FRYL: variants seen among roughly 807,000 people sequenced by gnomAD.
The protein encoded by FRYL is FRY like transcription coactivator.
A neutral mutation model predicts 351.2 loss-of-function variants in FRYL; 150 were observed. The ratio of observed to expected loss-of-function variants is 0.43; its 90% CI spans 0.37 to 0.49. The LOEUF (loss-of-function observed/expected upper bound fraction) is 0.49, where lower values mean the gene tolerates loss of function less well. Ranked by LOEUF, FRYL falls within the 20% of genes least tolerant of loss-of-function variation. The pLI, the probability that FRYL is intolerant of heterozygous loss-of-function variation, is 0.00. For synonymous variants in FRYL, 1,153 were observed against 1,257.1 expected (o/e 0.92, Z 1.75); for missense variants, 3,036 against 3,619.3 (o/e 0.84, Z 4.13).
chr4:48,749,483 G>A (rs1773032755), intron 1 of FRYL, among the ~76,000 whole-genome samples: 1 of 152,158 alleles, frequency 6.6e-6, no homozygotes, highest in Non-Finnish European at 1.5e-5. Flanking sequence ...ATAGCTTAGG[G>A]CTTCTCTTAG....
At chr4:48,732,082 A>T (rs1409203396) in intron 1 of FRYL, among the ~76,000 whole-genome samples, 3 of 152,230 alleles carry the variant, frequency 2.0e-5, no homozygotes, top group African/African-American at 7.2e-5. Context: ...TTTACAAGAA[A>T]AAAGCAAACA....
At chr4:48,741,511 G>A (rs1221360878) in intron 1 of FRYL, among the ~76,000 whole-genome samples, 1 of 152,054 alleles carries the variant, frequency 6.6e-6, no homozygotes, top group Non-Finnish European at 1.5e-5. Context: ...CTGCACTCCA[G>A]CCTGGGCAGC....
rs1252509325 is a variant in FRYL at position 48,543,831 on chromosome 4, T to C, written c.5568A>G (p.Val1856=). ...CCTGTGCATCTTCTCCTGGATCCCC[T>C]ACAGTTTCTACAAGTCTGGAGAGAA... The part of the protein sequence containing the change: ...SDVLSRLVET[V]GDPGEDAQGF... Residue 1856 remains valine, a synonymous_variant, in exon 44 of 64, where the codon GTA becomes GTG. Transcript: ENST00000358350. The C allele has an allele frequency of 6.2e-7, 1 of 1,613,622 alleles. No individual in the cohort carries two copies. Among genetic ancestry groups the C allele is most frequent in the African/African-American group, 1.3e-5 (1 of 75,012 alleles).
Position 48,726,400 on chromosome 4 carries a change from G to A in FRYL, c.-383-15702C>T, listed in dbSNP as rs1036847972. 2.4e-4 allele frequency among the ~76,000 whole-genome samples: 37 copies of A among 152,262 alleles called. No homozygotes were observed. The Middle Eastern group carries it at 0.01, about 42-fold the overall frequency. On this transcript the variant is annotated intron_variant, in intron 1 of 63. Transcript: ENST00000358350. ...GTGACCTATAAATTTCCACAGATGC[G>A]GGCGGGTGCAGTGGCTCATGCCTGT...
intron 53 of FRYL, among the ~76,000 whole-genome samples, chr4:48,525,379 A>C (rs1238527289): frequency 6.6e-6 from 1 of 152,150 alleles, no homozygotes; most frequent in Non-Finnish European, 1.5e-5. Context: ...CACAGCTCCT[A>C]AACTGACATG....
chr4:48,558,130 C>G (rs920328350), intron 33 of FRYL, among the ~76,000 whole-genome samples: 3 of 152,110 alleles, frequency 2.0e-5, no homozygotes, highest in African/African-American at 7.2e-5. Context: ...ATTAACAGCA[C>G]AATTCACAAT....
rs537214925 is a variant in FRYL, at chr4:48,505,684, C to T, written c.8395-69G>A. 50 of 909,384 alleles carry T rather than the reference C, an allele frequency of 5.5e-5. No homozygotes were observed. The African/African-American group carries it at 7.5e-4, about 14-fold the overall frequency. 56.3% of individuals were successfully genotyped at this position (909,384 alleles called of 1,614,324 possible). A position where few individuals can be genotyped will look rare whatever the true frequency, so the allele number is the denominator to read the frequency against. ...GGTAGTGTAACAGCCTGTCCATATA[C>T]AACACCAAACTTAAAGTTAACTTGA... On this transcript the variant is annotated intron_variant, in intron 59 of 63. Transcript: ENST00000358350.
At chr4:48,570,487 A>ATT (rs1738044443) in intron 27 of FRYL, among the ~76,000 whole-genome samples, 2 of 152,214 alleles carry the variant, frequency 1.3e-5, no homozygotes, top group African/African-American at 4.8e-5. Flanking sequence ...CTTTAAAATG[A>ATT]GGTAAGAAAA....
At chr4:48,520,395 T>C (rs1724646900) in intron 55 of FRYL, 1 of 152,104 alleles carries the variant, frequency 6.6e-6, no homozygotes, top group Admixed American at 6.5e-5. Context: ...TACATTAATT[T>C]GATGAACAGT....
intron 1 of FRYL, among the ~76,000 whole-genome samples, chr4:48,754,604 T>A (rs571568405): frequency 6.6e-6 from 1 of 152,042 alleles, no homozygotes; most frequent in South Asian, 2.1e-4. Flanking sequence ...CCACAAGCAA[T>A]GTGTAAGGTT....
chr4:48,571,422 T>C (rs1309234650), intron 26 of FRYL, among the ~76,000 whole-genome samples: 2 of 152,224 alleles, frequency 1.3e-5, no homozygotes, highest in Non-Finnish European at 2.9e-5. Flanking sequence ...TTTGTATTAC[T>C]AGGTCCAAAG....
chr4:48,773,675 C>T (rs1775738801), intron 1 of FRYL, among the ~76,000 whole-genome samples: 1 of 152,126 alleles, frequency 6.6e-6, no homozygotes, highest in Non-Finnish European at 1.5e-5. Context: ...CCTGTAATCC[C>T]AGCACTTTGG....
chr4:48,708,553 A>G (rs1210439592), intron 2 of FRYL, among the ~76,000 whole-genome samples: 3 of 152,178 alleles, frequency 2.0e-5, no homozygotes, highest in Non-Finnish European at 2.9e-5. Flanking sequence ...GGCAAGATAT[A>G]AAAAGATGTA....
intron 58 of FRYL, among the ~76,000 whole-genome samples, chr4:48,510,435 AACCTT>A (rs1722229378): frequency 6.6e-6 from 1 of 152,174 alleles, no homozygotes. Context: ...AAGCTTTTTA[AACCTT>A]AGTTCTTTAA....
chr4:48,547,683 T>C lies in FRYL; in HGVS notation c.4975A>G (p.Ile1659Val). ...LLIVMGPNSN[I>V]RTVASVLLRN... ...AGAAGGACAGAAGCAACAGTTCGGATGTTACTATTGGGTCCCATTACTATT... is the reference window on the plus strand; with the variant it reads ...AGAAGGACAGAAGCAACAGTTCGGACGTTACTATTGGGTCCCATTACTATT... Residue 1659 changes from isoleucine to valine, a missense_variant, in exon 41 of 64, where the codon ATC becomes GTC. Ile to Val is a conservative substitution (Grantham distance 29). Transcript: ENST00000358350. The C allele has an allele frequency of 6.2e-7, 1 of 1,607,940 alleles. No individual in the cohort carries two copies. Among genetic ancestry groups the C allele is most frequent in the East Asian group, 2.2e-5 (1 of 44,818 alleles).
At chr4:48,575,643 T>C (rs1165126880) in intron 24 of FRYL, among the ~76,000 whole-genome samples, 1 of 152,232 alleles carries the variant, frequency 6.6e-6, no homozygotes. Flanking sequence ...TCTTATCAAG[T>C]ACCCTTTAGA....
At chr4:48,763,454 CT>C (rs1774622563) in intron 1 of FRYL, among the ~76,000 whole-genome samples, 2 of 151,894 alleles carry the variant, frequency 1.3e-5, no homozygotes, top group African/African-American at 4.8e-5. Flanking sequence ...AGAGTGTGAC[CT>C]TGTCTCTTAA....
intron 7 of FRYL, among the ~76,000 whole-genome samples, chr4:48,613,758 C>T (rs986184561): frequency 5.3e-5 from 8 of 152,106 alleles, no homozygotes; most frequent in African/African-American, 1.7e-4. Context: ...GAGTTCCAGA[C>T]CAGCCTGGCC....
chr4:48,635,010 G>A (rs1753941730), intron 3 of FRYL, among the ~76,000 whole-genome samples: 2 of 152,084 alleles, frequency 1.3e-5, no homozygotes, highest in African/African-American at 4.8e-5. Flanking sequence ...AAATGAGGGA[G>A]CAAGACAAAG....
Sources: allele counts gnomAD v4.1 joint callset (sites outside exome capture counted in the v4.1 genomes callset), GRCh38; gene constraint gnomAD v4.1.1; transcripts MANE v1.5; gene names NCBI Gene and HGNC (gene_info 2026-07-23, HGNC 2026-07-21).